Variants in PCDH9 observed in about 807,000 individuals in gnomAD.
PCDH9 encodes the protein protocadherin 9, also known as protocadherin-9.
In PCDH9, 24 loss-of-function variants were observed where a neutral mutation model predicts 70.6. The ratio of observed to expected loss-of-function variants is 0.34; its 90% CI spans 0.25 to 0.48. PCDH9 has a LOEUF of 0.48. Among genes scored for constraint, PCDH9 ranks in the 20% least tolerant of loss-of-function variants. The probability of loss-of-function intolerance (pLI) is 0.99; values close to 1 mark genes in which losing one functional copy is unlikely to be tolerated. For missense variants in PCDH9, 1,281 were observed against 1,503.6 expected, an observed-to-expected ratio of 0.85 and a Z score of 2.45; for synonymous variants, 562 against 558.5, an observed-to-expected ratio of 1.01 and a Z score of -0.09.
intron 4 of PCDH9, among the ~76,000 whole-genome samples, chr13:66,570,607 T>C (rs1285691646): frequency 6.6e-6 from 1 of 152,110 alleles, no homozygotes; most frequent in African/African-American, 2.4e-5. Flanking sequence ...TTATATCTAT[T>C]AACATTTCAG....
chr13:67,067,908 C>T (rs1360719081), intron 2 of PCDH9, among the ~76,000 whole-genome samples: 1 of 152,020 alleles, frequency 6.6e-6, no homozygotes, highest in African/African-American at 2.4e-5. Flanking sequence ...AAAGGTCTGG[C>T]AAACTTAGGT....
At chr13:66,399,726 AC>A (rs1957156589) in intron 4 of PCDH9, among the ~76,000 whole-genome samples, 1 of 151,952 alleles carries the variant, frequency 6.6e-6, no homozygotes, top group Non-Finnish European at 1.5e-5. Context: ...AAAATAAAGA[AC>A]CAAAAAAAAA....
Position 66,811,864 on chromosome 13 carries a change from A to G in PCDH9, c.3138+91640T>C, listed in dbSNP as rs186299119. On this transcript the variant is annotated intron_variant, in intron 3 of 4. Coordinates refer to ENST00000377865, the MANE Select transcript of PCDH9 (RefSeq NM_203487.3). ...GGTTACAAAGTTTTTGACCCAAAAT[A>G]TCTTCACAAGCCTAGCTAAAGTAAG... Among the ~76,000 whole-genome samples, 521 of 151,462 alleles carry G rather than the reference A, an allele frequency of 3.4e-3. 3 individuals carry two copies. The highest frequency in any genetic ancestry group is 0.012 in the African/African-American group (487 of 41,340).
intron 2 of PCDH9, among the ~76,000 whole-genome samples, chr13:66,934,760 G>T (rs1184519306): frequency 1.6e-3 from 165 of 100,464 alleles, no homozygotes; most frequent in African/African-American, 5.6e-3. Context: ...TCGCTCTGTC[G>T]CCCAGGCTGG....
At chr13:66,459,133 T>C (rs1958372510) in intron 4 of PCDH9, among the ~76,000 whole-genome samples, 1 of 151,966 alleles carries the variant, frequency 6.6e-6, no homozygotes, top group African/African-American at 2.4e-5. Context: ...GGAAAAATAC[T>C]TCCAGGGTCC....
chr13:66,815,263 C>CA (rs2080581566), intron 3 of PCDH9, among the ~76,000 whole-genome samples: 1 of 151,926 alleles, frequency 6.6e-6, no homozygotes, highest in Non-Finnish European at 1.5e-5. Flanking sequence ...ATTAAAAAGT[C>CA]AAAAAAATAA....
At chr13:66,889,346 A>G (rs528455512) in intron 3 of PCDH9, among the ~76,000 whole-genome samples, 4 of 152,320 alleles carry the variant, frequency 2.6e-5, no homozygotes, top group Admixed American at 2.6e-4. Flanking sequence ...GTGGAAGAAC[A>G]TAATTTTTTT....
intron 4 of PCDH9, among the ~76,000 whole-genome samples, chr13:66,466,838 AAC>A (rs1442084786): frequency 1.3e-5 from 2 of 152,122 alleles, no homozygotes; most frequent in African/African-American, 4.8e-5. Context: ...GTGATTGGGA[AAC>A]ACACATTAGA....
At chr13:66,530,715 C>G (rs1960414457) in intron 4 of PCDH9, among the ~76,000 whole-genome samples, 1 of 151,782 alleles carries the variant, frequency 6.6e-6, no homozygotes, top group Admixed American at 6.6e-5. Context: ...TTCTTACCAG[C>G]AAGTAAGATG....
chr13:66,803,039 A>G (rs1263068671), intron 3 of PCDH9, among the ~76,000 whole-genome samples: 1 of 152,124 alleles, frequency 6.6e-6, no homozygotes, highest in Non-Finnish European at 1.5e-5. Context: ...AAATTGAAGT[A>G]TGTCGGTTTA....
intron 2 of PCDH9, among the ~76,000 whole-genome samples, chr13:66,931,077 A>G (rs2082800699): frequency 6.6e-6 from 1 of 152,148 alleles, no homozygotes; most frequent in Non-Finnish European, 1.5e-5. Flanking sequence ...CACATCAGCT[A>G]ATGTTTTTCA....
At chr13:67,164,886 A>T (rs1427003602) in intron 2 of PCDH9, among the ~76,000 whole-genome samples, 1 of 152,116 alleles carries the variant, frequency 6.6e-6, no homozygotes, top group Non-Finnish European at 1.5e-5. Flanking sequence ...CTATGTCATT[A>T]TTCTGTTTGT....
chr13:66,559,851 C>CAT (rs1299487119), intron 4 of PCDH9, among the ~76,000 whole-genome samples: 3 of 144,774 alleles, frequency 2.1e-5, no homozygotes, highest in Non-Finnish European at 4.5e-5. Flanking sequence ...CACACACACA[C>CAT]ACACACACAC....
chr13:66,977,179 C>T (rs1315173213), intron 2 of PCDH9, among the ~76,000 whole-genome samples: 1 of 151,976 alleles, frequency 6.6e-6, no homozygotes, highest in East Asian at 1.9e-4. Context: ...GAATGGTACA[C>T]CTTTATATGT....
At chr13:67,026,879 G>T in intron 2 of PCDH9, among the ~76,000 whole-genome samples, 1 of 152,044 alleles carries the variant, frequency 6.6e-6, no homozygotes, top group African/African-American at 2.4e-5. Context: ...ACCTCTTCAA[G>T]GAGAACTACC....
intron 4 of PCDH9, among the ~76,000 whole-genome samples, chr13:66,438,228 C>T (rs1228949377): frequency 4.7e-5 from 7 of 147,848 alleles, no homozygotes; most frequent in East Asian, 4.0e-4. Flanking sequence ...AGCGAGACTC[C>T]GGCTCAAAAA....
Position 67,172,599 on chromosome 13 carries a change from C to T in PCDH9, c.3036+52806G>A, listed in dbSNP as rs539827375. Among the ~76,000 whole-genome samples, 5 of 152,052 alleles carry T rather than the reference C, an allele frequency of 3.3e-5. No individual in the cohort carries two copies. The South Asian group carries it at 6.2e-4, about 19-fold the overall frequency. On this transcript the variant is annotated intron_variant, in intron 2 of 4. Coordinates refer to ENST00000377865, the MANE Select transcript of PCDH9 (RefSeq NM_203487.3). ...CCATTCAAGAATGGATGGTTTTGGC[C>T]GGGCAAGGTGGCTCATGCCTGTAAT...
At position 66,868,096 on chromosome 13, in the gene PCDH9, G is replaced by A. The variant is rs545539982; in HGVS notation, c.3138+35408C>T. On this transcript the variant is annotated intron_variant, in intron 3 of 4. Transcript: ENST00000377865. ...GATTTACTGTCATAATATAAATGAC[G>A]AAATGTAATGAGTGATTCAAATTTC... Among the ~76,000 whole-genome samples the A allele has an allele frequency of 7.2e-5, 11 of 151,966 alleles. No individual in the cohort carries two copies. The South Asian group carries it at 1.5e-3, about 20-fold the overall frequency.
At chr13:66,547,861 T>C (rs1009126534) in intron 4 of PCDH9, among the ~76,000 whole-genome samples, 3 of 146,864 alleles carry the variant, frequency 2.0e-5, no homozygotes, top group South Asian at 2.1e-4. Context: ...GATATTTAAT[T>C]ATATTATTAT....
Sources: gnomAD v4.1 joint callset for allele counts (sites outside exome capture counted in the v4.1 genomes callset) on GRCh38, gnomAD v4.1.1 for gene constraint, MANE v1.5 for transcripts, NCBI Gene and HGNC (gene_info 2026-07-23, HGNC 2026-07-21) for gene names.